CYP4X1: variants seen among roughly 807,000 people sequenced by gnomAD.
CYP4X1 encodes cytochrome P450 4X1.
In CYP4X1, 44 loss-of-function variants were observed where a neutral mutation model predicts 57.9. The ratio of observed to expected loss-of-function variants is 0.76; its 90% confidence interval spans 0.60 to 0.98. The LOEUF (loss-of-function observed/expected upper bound fraction) is 0.98. Ranked by LOEUF, CYP4X1 falls within the 50% of genes least tolerant of loss-of-function variation. The pLI, the probability that CYP4X1 is intolerant of heterozygous loss-of-function variation, is 0.00. For synonymous variants in CYP4X1, 227 were observed against 228.6 expected (o/e 0.99, Z 0.06); for missense variants, 532 against 623.9 (o/e 0.85, Z 1.57).
chr1:46,961,560 C>A, the CYP4X1 span: 1 of 1,227,964 alleles, frequency 8.1e-7, no homozygotes, highest in Non-Finnish European at 1.0e-6. Flanking sequence ...AGCTGCTCTT[C>A]CTGAGAACAA....
At chr1:47,017,996 CA>C in the CYP4X1 span, among the ~76,000 whole-genome samples, 1 of 152,304 alleles carries the variant, frequency 6.6e-6, no homozygotes, top group South Asian at 2.1e-4. Flanking sequence ...TGGGGGTTCA[CA>C]TAACATAGGG....
At chr1:47,023,631 C>T, upstream of CYP4X1, 1 of 1,329,606 alleles carries the variant, frequency 7.5e-7, no homozygotes, top group East Asian at 2.9e-5. Context: ...CCCGCACGCG[C>T]GCCTGCCTCC....
chr1:47,022,401 C>T (rs2148501944), upstream of CYP4X1, among the ~76,000 whole-genome samples: 1 of 150,620 alleles, frequency 6.6e-6, no homozygotes, highest in Middle Eastern at 3.4e-3. Context: ...AGCGATTCTC[C>T]TGCCTCAGCC....
At chr1:46,966,661 G>C in the CYP4X1 span, among the ~76,000 whole-genome samples, 4 of 152,200 alleles carry the variant, frequency 2.6e-5, no homozygotes, top group East Asian at 7.7e-4. Context: ...GAATTCACTC[G>C]CCCCTTTTCA....
rs562423579 is a variant in CYP4X1, at chr1:47,023,734, G to C, written c.-84G>C. 25 of 1,502,702 alleles carry C rather than the reference G, an allele frequency of 1.7e-5. No individual in the cohort carries two copies. In the South Asian group the frequency reaches 2.3e-4, roughly 14 times the overall value. 93.1% of individuals were successfully genotyped at this position (1,502,702 alleles called of 1,614,324 possible). On this transcript the variant is annotated 5_prime_UTR_variant, in exon 1 of 12. Transcript: ENST00000371901. ...GGCCCAGAGAGGCGGTGGGGTGGGC[G>C]ACCCTACGCCAGCTCCGGGCGGGAG...
chr1:47,048,897 G>A (rs1644331106), intron 10 of CYP4X1, among the ~76,000 whole-genome samples: 1 of 152,134 alleles, frequency 6.6e-6, no homozygotes, highest in Non-Finnish European at 1.5e-5. Flanking sequence ...TGTAATAATT[G>A]GCCACATCAT....
At chr1:46,973,685 T>C in the CYP4X1 span, among the ~76,000 whole-genome samples, 3 of 152,160 alleles carry the variant, frequency 2.0e-5, no homozygotes, top group African/African-American at 7.2e-5. Flanking sequence ...ATTTATCCAT[T>C]TATTCTAGGT....
chr1:47,000,240 C>T, the CYP4X1 span, among the ~76,000 whole-genome samples: 11,315 of 152,124 alleles, frequency 0.074, 1,224 homozygotes, highest in African/African-American at 0.24. Context: ...TGCGCTTTGA[C>T]TCTCCTTTGC....
the CYP4X1 span, among the ~76,000 whole-genome samples, chr1:46,967,464 C>CTGTGATGCAGGT: frequency 2.0e-5 from 3 of 151,910 alleles, no homozygotes; most frequent in Non-Finnish European, 4.4e-5. Context: ...GATGGACAGT[C>CTGTGATGCAGGT]TGTGATGCAG....
intron 1 of CYP4X1, among the ~76,000 whole-genome samples, chr1:47,025,252 G>A (rs1484717731): frequency 2.0e-5 from 3 of 152,106 alleles, no homozygotes; most frequent in Non-Finnish European, 4.4e-5. Flanking sequence ...CTCTCACCAT[G>A]TGGTCTCTGC....
intron 7 of CYP4X1, 142 bp downstream of exon 7, chr1:47,038,908 G>A: frequency 1.7e-6 from 1 of 595,068 alleles, no homozygotes; most frequent in Non-Finnish European, 2.8e-6. Context: ...GCAGCTTCAT[G>A]CAATTTGAGA....
the CYP4X1 span, among the ~76,000 whole-genome samples, chr1:46,963,226 T>C: frequency 3.9e-5 from 6 of 152,196 alleles, no homozygotes; most frequent in Non-Finnish European, 8.8e-5. Flanking sequence ...GTCTGTGTCT[T>C]TTAGTTGGAG....
chr1:47,031,697 A>C (rs1644125468), intron 3 of CYP4X1, among the ~76,000 whole-genome samples: 1 of 152,066 alleles, frequency 6.6e-6, no homozygotes. Context: ...TCTCCCACAA[A>C]GTCTTATTCT....
chr1:46,968,422 C>A, the CYP4X1 span, among the ~76,000 whole-genome samples: 1 of 152,188 alleles, frequency 6.6e-6, no homozygotes, highest in Non-Finnish European at 1.5e-5. Context: ...TGTCAGCCAG[C>A]CCTCCATGGA....
the CYP4X1 span, among the ~76,000 whole-genome samples, chr1:46,976,489 C>T: frequency 3.3e-5 from 5 of 152,150 alleles, no homozygotes; most frequent in Admixed American, 3.3e-4. Flanking sequence ...TGAGGCCTGC[C>T]TGCCTCTGTA....
the CYP4X1 span, among the ~76,000 whole-genome samples, chr1:46,973,735 AG>A: frequency 1.3e-5 from 2 of 151,864 alleles, no homozygotes; most frequent in Non-Finnish European, 2.9e-5. Flanking sequence ...TAGTAGTCTC[AG>A]GGTTTTTGTT....
At chr1:47,005,165 G>T in the CYP4X1 span, among the ~76,000 whole-genome samples, 1 of 152,166 alleles carries the variant, frequency 6.6e-6, no homozygotes, top group African/African-American at 2.4e-5. Flanking sequence ...CTCAGAAGAG[G>T]TTCTGAGGTC....
At chr1:47,003,617 C>G in the CYP4X1 span, among the ~76,000 whole-genome samples, 1 of 152,114 alleles carries the variant, frequency 6.6e-6, no homozygotes, top group African/African-American at 2.4e-5. Context: ...AAAGTGGGAG[C>G]AGGCACATCA....
the CYP4X1 span, among the ~76,000 whole-genome samples, chr1:46,991,922 C>G: frequency 6.6e-6 from 1 of 152,182 alleles, no homozygotes; most frequent in Non-Finnish European, 1.5e-5. Flanking sequence ...ATGAAATGAG[C>G]TGGCTTTACA....
Sources: allele counts gnomAD v4.1 joint callset (sites outside exome capture counted in the v4.1 genomes callset), GRCh38; gene constraint gnomAD v4.1.1; transcripts MANE v1.5; gene names NCBI Gene and HGNC (gene_info 2026-07-23, HGNC 2026-07-21).